The following TKFC variants were observed in gnomAD, a reference collection of about 807,000 sequenced individuals.
The protein encoded by TKFC is triokinase and FMN cyclase.
Under a neutral mutation model 61.0 loss-of-function variants are expected in TKFC, and 46 were observed. The observed-to-expected ratio is 0.75, with a 90% CI of 0.60 to 0.96. The LOEUF is 0.96. Among genes scored for constraint, TKFC ranks in the 50% least tolerant of loss-of-function variants. TKFC has a pLI of 0.00. For missense variants in TKFC, 715 were observed against 777.5 expected (o/e 0.92, Z 0.96); for synonymous variants, 314 against 330.1 (o/e 0.95, Z 0.53).
rs1856873293 is a variant in TKFC, at chr11:61,341,930, C to G, written c.655+18C>G. 32 of 1,605,486 alleles carry G rather than the reference C, an allele frequency of 2.0e-5. No individual in the cohort carries two copies. Among genetic ancestry groups the G allele is most frequent in the Non-Finnish European group, 2.7e-5 (32 of 1,174,998 alleles). ...GGGCCTGGGTAAGCTTGTGGCCATC[C>G]ATCCCAGCCCTGCCTGCTCCTTGGC... is the stretch of plus-strand genomic sequence containing the variant. On this transcript the variant is annotated intron_variant, in intron 7 of 17. Coordinates refer to ENST00000394900, the MANE Select transcript of TKFC (RefSeq NM_015533.4).
rs1382044619 is a variant in TKFC, at chr11:61,344,512, C to T, written c.1240+239C>T. Among the ~76,000 whole-genome samples the T allele has an allele frequency of 6.6e-5, 10 of 151,992 alleles. No individual in the cohort carries two copies. In the South Asian group the frequency reaches 1.2e-3, roughly 19 times the overall value. On this transcript the variant is annotated intron_variant, in intron 13 of 17. Transcript: ENST00000394900. ...CTGACTAGCTGAGATAACAGGCATG[C>T]GCCACCACGCCTGGCTAATTGTTGT... is the stretch of plus-strand genomic sequence containing the variant.
At position 61,342,474 on chromosome 11, in the gene TKFC, A is replaced by T; in HGVS notation, c.669A>T (p.Glu223Asp). 1 of 1,614,090 alleles carries T rather than the reference A, an allele frequency of 6.2e-7. No individual in the cohort carries two copies. The highest frequency in any genetic ancestry group is 1.3e-5 in the African/African-American group (1 of 75,056). Residue 223 changes from glutamate to aspartate, a missense_variant, in exon 8 of 18, where the codon GAA becomes GAT. Glu to Asp is a conservative substitution (Grantham distance 45, BLOSUM62 2). Coordinates refer to ENST00000394900, the MANE Select transcript of TKFC (RefSeq NM_015533.4). ...EVELGLGIHG[E>D]AGVRRIKMAT... is the part of the protein sequence containing the mutation. ...ATCTATCCGCAGGGATCCACGGGGA[A>T]GCTGGTGTGCGCCGGATAAAGGTAG... is the stretch of plus-strand genomic sequence containing the variant.
downstream of TKFC, chr11:61,350,465 AG>A: frequency 6.2e-7 from 1 of 1,607,200 alleles, no homozygotes; most frequent in Non-Finnish European, 8.5e-7. Flanking sequence ...GACATGATGC[AG>A]GAGTCACACC....
In TKFC at chr11:61,346,063, AC is replaced by A; in HGVS notation, c.1575+118del. The A allele has an allele frequency of 1.7e-6, 2 of 1,203,360 alleles. No individual in the cohort carries two copies. The highest frequency in any genetic ancestry group is 2.3e-6 in the Non-Finnish European group (2 of 863,438). 74.5% of individuals were successfully genotyped at this position (1,203,360 alleles called of 1,614,324 possible). ...CCTGGACCGCAGTTTCCTTCTCTGT[AC>A]AATGGAGATGAGCACCTATCTCAGA... is the stretch of plus-strand genomic sequence containing the variant. On this transcript the variant is annotated intron_variant, in intron 17 of 17. Transcript: ENST00000394900. This position sits in a 1 kb window ranked among gnomAD's most constrained non-coding sequence, Gnocchi z 4.1.
intron 7 of TKFC, 94 bp downstream of exon 7, chr11:61,342,006 T>C (rs752148991): frequency 7.4e-6 from 9 of 1,221,440 alleles, no homozygotes; most frequent in Non-Finnish European, 1.0e-5. Flanking sequence ...CCTGGTCCTC[T>C]CCCCAGGTGG....
chr11:61,346,503 G>T lies in TKFC; in HGVS notation c.1728G>T (p.Ter576TyrextTer3), dbSNP rs1565059758. ...LRAILEVLQS* is the reference protein window; with the variant it reads ...LRAILEVLQSY ...CCATCTTGGAGGTCTTGCAGAGCTA[G>T]GGTGTGTGACTGCCTCCCTTGGCCT... Residue 576 changes from the stop codon to tyrosine (Y), a stop_lost, in exon 18 of 18, where the codon TAG becomes TAT. Transcript: ENST00000394900. This position sits in a 1 kb window ranked among gnomAD's most constrained non-coding sequence, Gnocchi z 4.1. 6.3e-7 allele frequency: 1 copy of T among 1,597,490 alleles called. No homozygotes were observed. Among genetic ancestry groups the T allele is most frequent in the African/African-American group, 1.3e-5 (1 of 74,846 alleles).
At position 61,348,484 on chromosome 11, in the gene TKFC, A is replaced by C. The variant is rs1477234819; in HGVS notation, c.*1981A>C. 5.1e-5 allele frequency: 50 copies of C among 985,488 alleles called. No individual in the cohort carries two copies. The highest frequency in any genetic ancestry group is 5.7e-5 in the Non-Finnish European group (47 of 829,992). The allele number at this position is 985,488 out of a possible 1,614,324, so 61.0% of individuals were successfully genotyped here. A position where few individuals can be genotyped will look rare whatever the true frequency, so the allele number is the denominator to read the frequency against. ...AGCATCATTTCATTAGAGGGCTGTT[A>C]TTAGAGACTGAATGTTTGTGTCCCC... On this transcript the variant is annotated 3_prime_UTR_variant, in exon 18 of 18. Coordinates refer to ENST00000394900, the MANE Select transcript of TKFC (RefSeq NM_015533.4).
chr11:61,342,500 G>C lies in TKFC; in HGVS notation c.690+5G>C. 6.2e-7 allele frequency: 1 copy of C among 1,614,074 alleles called. No individual in the cohort carries two copies. Among genetic ancestry groups the C allele is most frequent in the Non-Finnish European group, 8.5e-7 (1 of 1,180,038 alleles). ...GCTGGTGTGCGCCGGATAAAGGTAG[G>C]TGGTCCCTCTGGCACAGGCCGCCCT... On this transcript the variant is annotated splice_donor_5th_base_variant and intron_variant, in intron 8 of 17. Coordinates refer to ENST00000394900, the MANE Select transcript of TKFC (RefSeq NM_015533.4).
chr11:61,342,438 GC>G (rs761820594), intron 7 of TKFC, 22 bp from the exon 8 acceptor site: 132 of 1,613,790 alleles, frequency 8.2e-5, no homozygotes, highest in Non-Finnish European at 1.1e-4. Flanking sequence ...GAGTGGGTCA[GC>G]AGTGACCACA....
chr11:61,344,306 T>G, intron 13 of TKFC, 33 bp downstream of exon 13: 1 of 1,598,036 alleles, frequency 6.3e-7, no homozygotes, highest in Non-Finnish European at 8.5e-7. Flanking sequence ...AGTGAGGTCA[T>G]TCACAAAACC....
intron 10 of TKFC, 31 bp from the exon 11 acceptor site, chr11:61,343,311 C>T: frequency 6.3e-7 from 1 of 1,587,372 alleles, no homozygotes; most frequent in Non-Finnish European, 8.6e-7. Flanking sequence ...CCCATTTTTC[C>T]CTTTTGGACT....
At chr11:61,343,300 G>T in intron 10 of TKFC, 42 bp from the exon 11 acceptor site, 1 of 1,559,640 alleles carries the variant, frequency 6.4e-7, no homozygotes, top group Non-Finnish European at 8.8e-7. Context: ...TTTCCCTGAT[G>T]CCCATTTTTC....
Position 61,343,382 on chromosome 11 carries a change from C to G in TKFC, c.906C>G (p.Thr302=), listed in dbSNP as rs916572856. ...AGATTGCCCGTGCCCTGGTGGGCAC[C>G]TTCATGTCAGCACTGGAGATGCCTG... The part of the protein sequence containing the change: ...GVKIARALVG[T]FMSALEMPGI... The change falls in exon 11 of 18, where the codon ACC becomes ACG. Residue 302 remains threonine (T), a synonymous_variant. Coordinates refer to ENST00000394900, the MANE Select transcript of TKFC (RefSeq NM_015533.4). 5.0e-6 allele frequency: 8 copies of G among 1,614,044 alleles called. No individual in the cohort carries two copies. In the Admixed American group the frequency reaches 1.0e-4, roughly 20 times the overall value.
chr11:61,342,959 C>T, intron 10 of TKFC, 115 bp downstream of exon 10: 4 of 1,046,952 alleles, frequency 3.8e-6, no homozygotes, highest in Non-Finnish European at 4.2e-6. Flanking sequence ...TAAATCGTCT[C>T]TCTGCCACCT....
Position 61,347,617 on chromosome 11 carries a change from C to T in TKFC, c.*1114C>T. On this transcript the variant is annotated 3_prime_UTR_variant, in exon 18 of 18. Transcript: ENST00000394900. Reference sequence around the variant, plus strand: ...TTTCTAGAGCGATCACTGATGGCACCAGGGTGAGCAGGGGCACTGTATGCA... The same window carrying T: ...TTTCTAGAGCGATCACTGATGGCACTAGGGTGAGCAGGGGCACTGTATGCA... 5.1e-6 allele frequency: 5 copies of T among 985,082 alleles called. No homozygotes were observed. Among genetic ancestry groups the T allele is most frequent in the Non-Finnish European group, 6.0e-6 (5 of 829,942 alleles). 61.0% of individuals were successfully genotyped at this position (985,082 alleles called of 1,614,324 possible). A position where few individuals can be genotyped will look rare whatever the true frequency, so the allele number is the denominator to read the frequency against.
Position 61,338,025 on chromosome 11 carries a change from C to G in TKFC, c.88C>G (p.Leu30Val), listed in dbSNP as rs375630732. Reference protein sequence around the residue: ...GLVACNPNLQLLQGHRVALRS... With the variant: ...GLVACNPNLQVLQGHRVALRS... ...GGTGGCCTGCAACCCCAACCTGCAG[C>G]TCCTGCAGGGCCACCGCGTGGCCCT... is the stretch of plus-strand genomic sequence containing the variant. Residue 30 changes from leucine (L) to valine (V), a missense_variant, in exon 3 of 18, where the codon CTC becomes GTC. Coordinates refer to ENST00000394900, the MANE Select transcript of TKFC (RefSeq NM_015533.4). 3.7e-6 allele frequency: 6 copies of G among 1,613,730 alleles called. No homozygotes were observed. The highest frequency in any genetic ancestry group is 1.1e-5 in the South Asian group (1 of 91,050).
chr11:61,337,444 G>A (rs1856656146), intron 2 of TKFC, among the ~76,000 whole-genome samples: 1 of 152,172 alleles, frequency 6.6e-6, no homozygotes, highest in Admixed American at 6.5e-5. Context: ...CTGCACCTGA[G>A]CTGTTATCTC....
chr11:61,340,699 C>G (rs1856818039), intron 5 of TKFC, among the ~76,000 whole-genome samples: 1 of 152,028 alleles, frequency 6.6e-6, no homozygotes, highest in South Asian at 2.1e-4. Flanking sequence ...CTGTACCTGC[C>G]AGGCTATGGA....
At position 61,344,189 on chromosome 11, in the gene TKFC, C is replaced by T. The variant is rs1226622572; in HGVS notation, c.1156C>T (p.Leu386=). Residue 386 remains leucine (L), a synonymous_variant, in exon 13 of 18, where the codon CTG becomes TTG. Coordinates refer to ENST00000394900, the MANE Select transcript of TKFC (RefSeq NM_015533.4). The part of the protein sequence containing the change: ...LVLERVCSTL[L]GLEEHLNALD... ...GCTGGAACGGGTGTGCAGCACTCTCCTGGGCCTGGAGGAACACCTGAATGC... is the reference window on the plus strand; with the variant it reads ...GCTGGAACGGGTGTGCAGCACTCTCTTGGGCCTGGAGGAACACCTGAATGC... 2 of 1,612,668 alleles carry T rather than the reference C, an allele frequency of 1.2e-6. No individual in the cohort carries two copies. The highest frequency in any genetic ancestry group is 8.5e-7 in the Non-Finnish European group (1 of 1,180,030).
Sources: allele counts gnomAD v4.1 joint callset (sites outside exome capture counted in the v4.1 genomes callset), GRCh38; gene constraint gnomAD v4.1.1; non-coding constraint Gnocchi (gnomAD v3.1); transcripts MANE v1.5; gene names NCBI Gene and HGNC (gene_info 2026-07-23, HGNC 2026-07-21).